The following COL13A1 variants were observed in gnomAD, a reference collection of about 807,000 sequenced individuals.
COL13A1 encodes collagen type XIII alpha 1 chain.
COL13A1 carries 89 observed loss-of-function variants against 130.9 expected under a neutral mutation model. That is an observed-to-expected ratio of 0.68 (90% CI 0.57 to 0.81). The LOEUF (loss-of-function observed/expected upper bound fraction) is 0.81, where lower values mean the gene tolerates loss of function less well. Ranked by LOEUF, COL13A1 falls within the 30% of genes least tolerant of loss-of-function variation. COL13A1 has a pLI of 0.00. For missense variants in COL13A1, 879 were observed against 934.6 expected, an observed-to-expected ratio of 0.94 and a Z score of 0.78; for synonymous variants, 402 against 341.6, an observed-to-expected ratio of 1.18 and a Z score of -1.95.
chr10:69,852,537 G>C (rs1855175738), intron 2 of COL13A1, among the ~76,000 whole-genome samples: 1 of 152,266 alleles, frequency 6.6e-6, no homozygotes, highest in South Asian at 2.1e-4. Flanking sequence ...CCAACATAGA[G>C]CAGTGCCAGA....
chr10:69,905,185 G>A (rs2062627000), intron 16 of COL13A1, among the ~76,000 whole-genome samples: 2 of 152,180 alleles, frequency 1.3e-5, no homozygotes, highest in South Asian at 4.1e-4. Context: ...AGTGCTACGG[G>A]CTGGCATTGA....
intron 3 of COL13A1, among the ~76,000 whole-genome samples, chr10:69,869,998 G>A (rs2058898180): frequency 6.6e-6 from 1 of 152,188 alleles, no homozygotes. Flanking sequence ...TTATGAGCAT[G>A]GGCTCTGGGG....
intron 7 of COL13A1, among the ~76,000 whole-genome samples, chr10:69,887,254 C>T (rs1409006247): frequency 6.6e-6 from 1 of 152,170 alleles, no homozygotes; most frequent in Non-Finnish European, 1.5e-5. Flanking sequence ...TTTCCCACCC[C>T]CAGCCCCTGC....
intron 2 of COL13A1, among the ~76,000 whole-genome samples, chr10:69,839,837 G>A (rs761829948): frequency 6.6e-6 from 1 of 152,192 alleles, no homozygotes; most frequent in Non-Finnish European, 1.5e-5. Context: ...GTCCTGTGGC[G>A]CCTCGTGTGA....
intron 39 of COL13A1, chr10:69,956,054 G>A (rs1278075333): frequency 1.3e-5 from 2 of 152,224 alleles, no homozygotes; most frequent in Non-Finnish European, 2.9e-5. Flanking sequence ...AGCTCCCTCA[G>A]GACTGAGCAC....
intron 10 of COL13A1, 102 bp downstream of exon 10, chr10:69,889,542 A>T: frequency 2.0e-6 from 3 of 1,463,598 alleles, no homozygotes; most frequent in Non-Finnish European, 2.8e-6. Context: ...GGACAACAGG[A>T]ATGGCTGTCC....
At chr10:69,849,643 G>A (rs560710930) in intron 2 of COL13A1, among the ~76,000 whole-genome samples, 1 of 152,340 alleles carries the variant, frequency 6.6e-6, no homozygotes, top group Admixed American at 6.5e-5. Flanking sequence ...CTTCTGTTGT[G>A]TTTGGGGGCT....
At chr10:69,910,335 G>T (rs1040098365) in intron 17 of COL13A1, among the ~76,000 whole-genome samples, 6 of 152,070 alleles carry the variant, frequency 3.9e-5, no homozygotes, top group Admixed American at 3.3e-4. Flanking sequence ...GGGGCCATGT[G>T]ACTGCCTCTT....
chr10:69,806,304 G>A (rs2704500), intron 1 of COL13A1, among the ~76,000 whole-genome samples: 62,872 of 152,106 alleles, frequency 0.41, 13,459 homozygotes, highest in Non-Finnish European at 0.48. Flanking sequence ...ATGCCAATGG[G>A]GAAAGCAGGT....
intron 37 of COL13A1, among the ~76,000 whole-genome samples, chr10:69,946,313 T>A (rs1340010566): frequency 6.6e-6 from 1 of 152,164 alleles, no homozygotes; most frequent in Non-Finnish European, 1.5e-5. Context: ...CTCAGCAATG[T>A]GTGCGCCATG....
At chr10:69,810,544 G>A (rs1842789351) in intron 1 of COL13A1, among the ~76,000 whole-genome samples, 1 of 152,168 alleles carries the variant, frequency 6.6e-6, no homozygotes, top group African/African-American at 2.4e-5. Flanking sequence ...TTGAAGAAGG[G>A]CAAGCAGCAG....
At chr10:69,890,955 T>C (rs892764816) in intron 10 of COL13A1, among the ~76,000 whole-genome samples, 1 of 152,212 alleles carries the variant, frequency 6.6e-6, no homozygotes, top group African/African-American at 2.4e-5. Flanking sequence ...ATTCCTTCCC[T>C]CCCTTTTTTT....
chr10:69,877,697 T>TCA (rs1298084811), intron 5 of COL13A1: 94 of 99,892 alleles, frequency 9.4e-4, no homozygotes, highest in South Asian at 3.3e-3. Context: ...TCTCTCTCTC[T>TCA]CTCACACACA....
chr10:69,841,786 A>C (rs1169725558), intron 2 of COL13A1, among the ~76,000 whole-genome samples: 1 of 152,222 alleles, frequency 6.6e-6, no homozygotes, highest in African/African-American at 2.4e-5. Context: ...GGGCAGGGAA[A>C]GTGTTCCAGG....
chr10:69,872,617 G>A (rs1177270500), intron 4 of COL13A1, among the ~76,000 whole-genome samples: 4 of 152,334 alleles, frequency 2.6e-5, no homozygotes, highest in South Asian at 2.1e-4. Context: ...GCTGATAAGA[G>A]AGCGGACTCA....
chr10:69,811,789 A>G (rs1296389384), intron 1 of COL13A1, among the ~76,000 whole-genome samples: 1 of 152,038 alleles, frequency 6.6e-6, no homozygotes, highest in Non-Finnish European at 1.5e-5. Flanking sequence ...CAATCTCTAC[A>G]CCCACCAACC....
chr10:69,840,025 G>A (rs1438660407), intron 2 of COL13A1, among the ~76,000 whole-genome samples: 2 of 152,236 alleles, frequency 1.3e-5, no homozygotes, highest in African/African-American at 2.4e-5. Context: ...CAATTGCGGT[G>A]TCCAGGTGAG....
At chr10:69,897,649 C>T in intron 13 of COL13A1, 1 of 1,129,420 alleles carries the variant, frequency 8.9e-7, no homozygotes, top group Non-Finnish European at 1.3e-6. Context: ...CTCTGTGTGC[C>T]ACTGCTGTCC....
intron 20 of COL13A1, among the ~76,000 whole-genome samples, 177 bp downstream of exon 20, chr10:69,919,265 G>C (rs1589516570): frequency 6.6e-6 from 1 of 152,290 alleles, no homozygotes; most frequent in Admixed American, 6.5e-5. Flanking sequence ...CCCCCTCCCT[G>C]GGTCCTGGCC....
Sources: allele counts gnomAD v4.1 joint callset (sites outside exome capture counted in the v4.1 genomes callset), GRCh38; gene constraint gnomAD v4.1.1; transcripts MANE v1.5; gene names NCBI Gene and HGNC (gene_info 2026-07-23, HGNC 2026-07-21).